Variants in PIK3C2G observed in about 807,000 individuals in gnomAD.
PIK3C2G encodes phosphatidylinositol 3-kinase C2 domain-containing subunit gamma.
PIK3C2G carries 168 observed loss-of-function variants against 181.1 expected under a neutral mutation model. The ratio of observed to expected loss-of-function variants is 0.93; its 90% CI spans 0.82 to 1.05. PIK3C2G has a LOEUF of 1.05. Among genes scored for constraint, PIK3C2G ranks in the 50% least tolerant of loss-of-function variants. PIK3C2G has a pLI of 0.00. For synonymous variants in PIK3C2G, 573 were observed against 592.2 expected (o/e 0.97, Z 0.47); for missense variants, 1,869 against 1,732.8 (o/e 1.08, Z -1.40).
intron 18 of PIK3C2G, among the ~76,000 whole-genome samples, chr12:18,474,615 T>C (rs1938791635): frequency 6.6e-6 from 1 of 152,124 alleles, no homozygotes; most frequent in Non-Finnish European, 1.5e-5. Context: ...CTTCTGTTGC[T>C]AATTGAAATC....
intron 11 of PIK3C2G, among the ~76,000 whole-genome samples, chr12:18,349,199 A>T (rs1342313805): frequency 6.6e-6 from 1 of 152,152 alleles, no homozygotes; most frequent in Non-Finnish European, 1.5e-5. Flanking sequence ...GGAAAGCATG[A>T]TACAAGGGTT....
At chr12:18,571,333 A>G (rs984378063) in intron 29 of PIK3C2G, among the ~76,000 whole-genome samples, 1 of 150,718 alleles carries the variant, frequency 6.6e-6, no homozygotes, top group Admixed American at 6.6e-5. Context: ...AATTCCATGC[A>G]TGCTTTAGAA....
intron 3 of PIK3C2G, among the ~76,000 whole-genome samples, chr12:18,289,544 C>A (rs1477341784): frequency 1.3e-5 from 2 of 152,138 alleles, no homozygotes; most frequent in East Asian, 1.9e-4. Flanking sequence ...TGGCCCATGT[C>A]CTTATTCTGA....
chr12:18,303,139 T>TTTCTTTCTTTCTTTCTTTC (rs71302109), intron 5 of PIK3C2G, among the ~76,000 whole-genome samples: 7,378 of 128,036 alleles, frequency 0.058, 319 homozygotes, highest in Non-Finnish European at 0.077. Flanking sequence ...TCTTTCTTTC[T>TTTCTTTCTTTCTTTCTTTC]TTTCTTTTCT....
chr12:18,260,161 GTCCTC>G (rs1239278291), upstream of PIK3C2G, among the ~76,000 whole-genome samples: 4 of 150,018 alleles, frequency 2.7e-5, no homozygotes, highest in Non-Finnish European at 1.5e-5. Context: ...GCTCTCATAA[GTCCTC>G]CTGAAAAATG....
intron 31 of PIK3C2G, among the ~76,000 whole-genome samples, chr12:18,639,048 C>T (rs1343518696): frequency 6.6e-6 from 1 of 151,648 alleles, no homozygotes; most frequent in Non-Finnish European, 1.5e-5. Flanking sequence ...GATTTCAGTG[C>T]TCCCCCTCCT....
intron 31 of PIK3C2G, among the ~76,000 whole-genome samples, chr12:18,615,398 A>G: frequency 6.8e-6 from 1 of 147,616 alleles, no homozygotes; most frequent in Admixed American, 6.8e-5. Context: ...TCACGGTAGT[A>G]TTACTCAATG....
intron 13 of PIK3C2G, among the ~76,000 whole-genome samples, chr12:18,378,766 C>G (rs887329740): frequency 6.6e-6 from 1 of 152,206 alleles, no homozygotes; most frequent in Non-Finnish European, 1.5e-5. Context: ...TGAAAAAATG[C>G]TCATCATTGC....
At chr12:18,624,345 A>G (rs1948996925) in intron 31 of PIK3C2G, among the ~76,000 whole-genome samples, 1 of 151,736 alleles carries the variant, frequency 6.6e-6, no homozygotes, top group Non-Finnish European at 1.5e-5. Flanking sequence ...ATTGATTTGC[A>G]TATGTAGAAT....
chr12:18,500,454 G>A (rs542606491), intron 22 of PIK3C2G, among the ~76,000 whole-genome samples: 10 of 152,276 alleles, frequency 6.6e-5, no homozygotes, highest in Middle Eastern at 3.4e-3. Flanking sequence ...CTGTGCAGCC[G>A]AGCCTCCCCT....
downstream of PIK3C2G, among the ~76,000 whole-genome samples, chr12:18,652,430 C>G (rs1237666955): frequency 3.3e-5 from 5 of 152,130 alleles, no homozygotes; most frequent in Non-Finnish European, 7.4e-5. Context: ...AGAGGCATGG[C>G]AGAGATTCTT....
Position 18,594,567 on chromosome 12 carries a change from T to C in PIK3C2G, c.4085T>C (p.Leu1362Pro), listed in dbSNP as rs748690878. ...QTVEESSPVY[L>P]GEKFPDKKPK... ...GTTGAAGAATCATCACCTGTGTACCTAGGTAAGTAAATTTGTCATTATATT... is the reference window on the plus strand; with the variant it reads ...GTTGAAGAATCATCACCTGTGTACCCAGGTAAGTAAATTTGTCATTATATT... Residue 1362 changes from leucine to proline, a missense_variant and splice_region_variant, in exon 30 of 33, where the codon CTA becomes CCA. Physicochemically the swap from Leu to Pro is moderately conservative, Grantham distance 98 (BLOSUM62 -3). Transcript: ENST00000538779. 1.3e-6 allele frequency: 2 copies of C among 1,495,722 alleles called. No homozygotes were observed. The highest frequency in any genetic ancestry group is 2.3e-5 in the Admixed American group (1 of 43,046). The allele number at this position is 1,495,722 out of a possible 1,614,324, so 92.7% of individuals were successfully genotyped here.
intron 19 of PIK3C2G, among the ~76,000 whole-genome samples, chr12:18,490,582 T>C (rs964278563): frequency 6.6e-6 from 1 of 152,166 alleles, no homozygotes; most frequent in Non-Finnish European, 1.5e-5. Context: ...TCTCCATTAG[T>C]TCAATTGTTT....
At chr12:18,489,341 G>A (rs994299137) in intron 19 of PIK3C2G, among the ~76,000 whole-genome samples, 9 of 152,056 alleles carry the variant, frequency 5.9e-5, no homozygotes, top group Middle Eastern at 3.2e-3. Context: ...GTTAAGGATA[G>A]AAAGATGACC....
At chr12:18,429,723 A>G (rs978821569) in intron 18 of PIK3C2G, among the ~76,000 whole-genome samples, 4 of 152,178 alleles carry the variant, frequency 2.6e-5, no homozygotes, top group Non-Finnish European at 4.4e-5. Flanking sequence ...ATCCACAGAA[A>G]TGTCTGTAAG....
the PIK3C2G span, chr12:18,714,744 A>G: frequency 6.6e-6 from 1 of 152,182 alleles, no homozygotes; most frequent in African/African-American, 2.4e-5. Context: ...TTCGGCTGCC[A>G]CAACTGGAGA....
chr12:18,289,656 A>G (rs1204633865), intron 3 of PIK3C2G, among the ~76,000 whole-genome samples: 1 of 152,150 alleles, frequency 6.6e-6, no homozygotes, highest in Non-Finnish European at 1.5e-5. Context: ...GATCTACTGA[A>G]TCAGAAACTA....
chr12:18,568,863 A>T (rs572057763), intron 29 of PIK3C2G, among the ~76,000 whole-genome samples: 3 of 152,272 alleles, frequency 2.0e-5, no homozygotes, highest in Admixed American at 6.5e-5. Flanking sequence ...CTAGACTAGC[A>T]CATTGTTCTT....
intron 16 of PIK3C2G, among the ~76,000 whole-genome samples, chr12:18,402,989 T>C (rs1038198003): frequency 6.6e-6 from 1 of 152,148 alleles, no homozygotes; most frequent in African/African-American, 2.4e-5. Context: ...GCCCTGTAAG[T>C]TGAAAACCTG....
Sources: allele counts gnomAD v4.1 joint callset (sites outside exome capture counted in the v4.1 genomes callset), GRCh38; gene constraint gnomAD v4.1.1; transcripts MANE v1.5; gene names NCBI Gene and HGNC (gene_info 2026-07-23, HGNC 2026-07-21).